Variants in GDF10 observed in about 807,000 individuals in gnomAD.
The protein encoded by GDF10 is growth/differentiation factor 10.
In GDF10, 23 loss-of-function variants were observed where a neutral mutation model predicts 32.1. That is an observed-to-expected ratio of 0.72 (90% CI 0.52 to 1.02). The LOEUF (loss-of-function observed/expected upper bound fraction) is 1.02. GDF10 is among the 50% of genes least tolerant of loss of function. The pLI, the probability that GDF10 is intolerant of heterozygous loss-of-function variation, is 0.00. For missense variants in GDF10, 764 were observed against 673.9 expected (o/e 1.13, Z -1.48); for synonymous variants, 328 against 303.1 (o/e 1.08, Z -0.85).
chr10:47,302,434 C>T (rs1239247317), intron 1 of GDF10, among the ~76,000 whole-genome samples: 5 of 152,206 alleles, frequency 3.3e-5, no homozygotes, highest in Non-Finnish European at 7.3e-5. Flanking sequence ...TAACTCAATC[C>T]TCAAAGCCTT....
At position 47,310,672 on chromosome 10, in the gene GDF10, C is replaced by A. The variant is rs1319647841; in HGVS notation, c.1196C>A (p.Ser399Tyr). 3.7e-6 allele frequency: 6 copies of A among 1,613,946 alleles called. No homozygotes were observed. Among genetic ancestry groups the A allele is most frequent in the Non-Finnish European group, 5.1e-6 (6 of 1,179,926 alleles). ...GWNEWIISPKSFDAYYCAGAC... is the reference protein window; with the variant it reads ...GWNEWIISPKYFDAYYCAGAC... ...AATGAATGGATAATCTCACCGAAATCTTTTGATGCCTACTACTGCGCGGGA... is the reference window on the plus strand; with the variant it reads ...AATGAATGGATAATCTCACCGAAATATTTTGATGCCTACTACTGCGCGGGA... The change falls in exon 2 of 3, where the codon TCT becomes TAT. Residue 399 changes from serine to tyrosine, a missense_variant. Physicochemically the swap from Ser to Tyr is moderately radical, Grantham distance 144 (BLOSUM62 -2). Coordinates refer to ENST00000580279, the MANE Select transcript of GDF10 (RefSeq NM_004962.5).
At chr10:47,303,988 G>A (rs1461067925) in intron 1 of GDF10, among the ~76,000 whole-genome samples, 1 of 152,188 alleles carries the variant, frequency 6.6e-6, no homozygotes, top group Non-Finnish European at 1.5e-5. Flanking sequence ...AGGGCAGCAG[G>A]CCTGGGGGGT....
chr10:47,309,259 T>G (rs2061033971), intron 1 of GDF10, among the ~76,000 whole-genome samples: 1 of 152,252 alleles, frequency 6.6e-6, no homozygotes, highest in Non-Finnish European at 1.5e-5. Flanking sequence ...GTTTATTTAT[T>G]TCGTCTCTTT....
At chr10:47,305,312 T>C (rs2061019452) in intron 1 of GDF10, among the ~76,000 whole-genome samples, 1 of 152,162 alleles carries the variant, frequency 6.6e-6, no homozygotes, top group African/African-American at 2.4e-5. Flanking sequence ...GATCTCACAA[T>C]AACTTTTGGA....
At chr10:47,303,345 C>G (rs1043443188) in intron 1 of GDF10, among the ~76,000 whole-genome samples, 1 of 152,208 alleles carries the variant, frequency 6.6e-6, no homozygotes, top group South Asian at 2.1e-4. Context: ...ATACCTCCCC[C>G]GCCACCGGGC....
chr10:47,312,666 C>T lies in GDF10; in HGVS notation c.1311C>T (p.Gly437=). The stretch of plus-strand genomic sequence containing the variant: ...TCAGGGCTGTGGGCATCATCCCTGG[C>T]ATCCCAGAGCCCTGCTGTGTTCCCG... The part of the protein sequence containing the change: ...SIVRAVGIIP[G]IPEPCCVPDK... The change falls in exon 3 of 3, where the codon GGC becomes GGT. Residue 437 remains glycine (G), a synonymous_variant. Coordinates refer to ENST00000580279, the MANE Select transcript of GDF10 (RefSeq NM_004962.5). 7 of 1,609,690 alleles carry T rather than the reference C, an allele frequency of 4.3e-6. No homozygotes were observed. Among genetic ancestry groups the T allele is most frequent in the Non-Finnish European group, 5.9e-6 (7 of 1,177,458 alleles).
chr10:47,303,730 G>A (rs1361198791), intron 1 of GDF10, among the ~76,000 whole-genome samples: 2 of 152,154 alleles, frequency 1.3e-5, no homozygotes, highest in African/African-American at 2.4e-5. Flanking sequence ...AATTCCCACT[G>A]AATGACGTGT....
intron 1 of GDF10, among the ~76,000 whole-genome samples, chr10:47,302,666 G>A (rs2061008843): frequency 6.6e-6 from 1 of 152,178 alleles, no homozygotes; most frequent in Non-Finnish European, 1.5e-5. Flanking sequence ...TAAAGATAAG[G>A]AAACTGAGAC....
intron 1 of GDF10, among the ~76,000 whole-genome samples, chr10:47,307,597 T>A (rs1455376208): frequency 6.6e-6 from 1 of 151,988 alleles, no homozygotes; most frequent in Non-Finnish European, 1.5e-5. Flanking sequence ...GCAGGGAGGG[T>A]CTTCCCAGAG....
At chr10:47,312,009 A>G (rs2061048230) in intron 2 of GDF10, among the ~76,000 whole-genome samples, 1 of 152,096 alleles carries the variant, frequency 6.6e-6, no homozygotes, top group African/African-American at 2.4e-5. Flanking sequence ...GTCATTTTAA[A>G]CCTCGGTGTC....
At chr10:47,312,141 C>T (rs2061048729) in intron 2 of GDF10, among the ~76,000 whole-genome samples, 1 of 152,230 alleles carries the variant, frequency 6.6e-6, no homozygotes, top group South Asian at 2.1e-4. Flanking sequence ...CACTGCCACG[C>T]ACATGCCAGG....
At position 47,310,502 on chromosome 10, in the gene GDF10, G is replaced by A. The variant is rs373110725; in HGVS notation, c.1026G>A (p.Lys342=). 10 of 1,613,832 alleles carry A rather than the reference G, an allele frequency of 6.2e-6. No individual in the cohort carries two copies. The African/African-American group carries it at 1.3e-4, about 21-fold the overall frequency. Residue 342 remains lysine, a synonymous_variant, in exon 2 of 3, where the codon AAG becomes AAA. Transcript: ENST00000580279. ...GGCCAGGGCGCAAAGACCGCAGGAAGAAGGGCCAGGAGGTGTTCATGGCCG... is the reference window on the plus strand; with the variant it reads ...GGCCAGGGCGCAAAGACCGCAGGAAAAAGGGCCAGGAGGTGTTCATGGCCG... ...KPRPGRKDRR[K]KGQEVFMAAS...
At chr10:47,312,485 G>A in intron 2 of GDF10, 116 bp from the exon 3 acceptor site, 1 of 526,490 alleles carries the variant, frequency 1.9e-6, no homozygotes, top group Non-Finnish European at 3.3e-6. Flanking sequence ...CCTATTCTGT[G>A]GCCTCAGCCG....
intron 1 of GDF10, among the ~76,000 whole-genome samples, chr10:47,303,186 A>T (rs2061010509): frequency 6.6e-6 from 1 of 152,162 alleles, no homozygotes; most frequent in Non-Finnish European, 1.5e-5. Flanking sequence ...CTCATGGATG[A>T]TGCCACCCAT....
In GDF10 at chr10:47,313,045, T is replaced by A; in HGVS notation, c.*253T>A. Reference sequence around the variant, plus strand: ...TGGCCTGAAAGTGGCCCATCATTCATACCCACTGTTCTGAAGGCTTGAAAA... The same window carrying A: ...TGGCCTGAAAGTGGCCCATCATTCAAACCCACTGTTCTGAAGGCTTGAAAA... On this transcript the variant is annotated 3_prime_UTR_variant, in exon 3 of 3. Coordinates refer to ENST00000580279, the MANE Select transcript of GDF10 (RefSeq NM_004962.5). The A allele has an allele frequency of 2.7e-6, 1 of 369,160 alleles. No individual in the cohort carries two copies. The highest frequency in any genetic ancestry group is 4.8e-6 in the Non-Finnish European group (1 of 206,616). 22.9% of individuals were successfully genotyped at this position (369,160 alleles called of 1,614,324 possible). A position where few individuals can be genotyped will look rare whatever the true frequency, so the allele number is the denominator to read the frequency against.
intron 1 of GDF10, 141 bp from the exon 2 acceptor site, chr10:47,309,655 G>T: frequency 1.6e-6 from 1 of 631,888 alleles, no homozygotes; most frequent in Non-Finnish European, 2.9e-6. Flanking sequence ...AGGATTACAC[G>T]AAAGGAGGGA....
rs1390181716 is a variant in GDF10 at position 47,300,556 on chromosome 10, G to A, written c.-96G>A. On this transcript the variant is annotated 5_prime_UTR_variant, in exon 1 of 3. Coordinates refer to ENST00000580279, the MANE Select transcript of GDF10 (RefSeq NM_004962.5). Reference sequence around the variant, plus strand: ...GCCCTGCTGCCCGGGCTCTCCCCGCGCGCCCTACTGCCGCGAGGTCAGTCC... The same window carrying A: ...GCCCTGCTGCCCGGGCTCTCCCCGCACGCCCTACTGCCGCGAGGTCAGTCC... The A allele has an allele frequency of 1.7e-6, 2 of 1,156,294 alleles. No individual in the cohort carries two copies. The highest frequency in any genetic ancestry group is 5.4e-5 in the Admixed American group (2 of 36,920). The allele number at this position is 1,156,294 out of a possible 1,614,324, so 71.6% of individuals were successfully genotyped here.
At chr10:47,310,991 A>T (rs138677208) in intron 2 of GDF10, among the ~76,000 whole-genome samples, 90 of 152,330 alleles carry the variant, frequency 5.9e-4, no homozygotes, top group African/African-American at 2.1e-3. Context: ...TCTTTTGAAA[A>T]GCAGGAGAAT....
At position 47,310,725 on chromosome 10, in the gene GDF10, G is replaced by A; in HGVS notation, c.1245+4G>A. ...ATGTGAGTTCCCCATGCCTAAGGTA[G>A]GGTTTCTTCCGCCTTTTGCCAAATT... On this transcript the variant is annotated splice_donor_region_variant and intron_variant, in intron 2 of 2. Transcript: ENST00000580279. The A allele has an allele frequency of 6.2e-7, 1 of 1,601,956 alleles. No homozygotes were observed. Among genetic ancestry groups the A allele is most frequent in the Non-Finnish European group, 8.6e-7 (1 of 1,169,116 alleles).
Sources: gnomAD v4.1 joint callset for allele counts (sites outside exome capture counted in the v4.1 genomes callset) on GRCh38, gnomAD v4.1.1 for gene constraint, MANE v1.5 for transcripts, NCBI Gene and HGNC (gene_info 2026-07-23, HGNC 2026-07-21) for gene names.